OTOGL: variants seen among roughly 807,000 people sequenced by gnomAD.
OTOGL encodes otogelin like.
Under a neutral mutation model 318.5 loss-of-function variants are expected in OTOGL, and 285 were observed. The observed-to-expected ratio is 0.89, with a 90% CI of 0.81 to 0.99. The LOEUF is 0.99. OTOGL is among the 50% of genes least tolerant of loss of function. The pLI, the probability that OTOGL is intolerant of heterozygous loss-of-function variation, is 0.00. For synonymous variants in OTOGL, 987 were observed against 936.5 expected (o/e 1.05, Z -0.99); for missense variants, 2,899 against 2,845.6 (o/e 1.02, Z -0.43).
At chr12:80,315,862 A>T (rs1255246690) in intron 32 of OTOGL, among the ~76,000 whole-genome samples, 7 of 152,166 alleles carry the variant, frequency 4.6e-5, no homozygotes, top group Non-Finnish European at 8.8e-5. Context: ...TTTTAAAGAG[A>T]CTGCCACACA....
intron 26 of OTOGL, among the ~76,000 whole-genome samples, chr12:80,289,594 C>T (rs1447710865): frequency 6.6e-6 from 1 of 152,202 alleles, no homozygotes; most frequent in Non-Finnish European, 1.5e-5. Flanking sequence ...ATGTCCTGCC[C>T]AGTGAGGAGG....
At chr12:80,168,467 T>C (rs1372830258) in intron 1 of OTOGL, among the ~76,000 whole-genome samples, 1 of 152,164 alleles carries the variant, frequency 6.6e-6, no homozygotes, top group Admixed American at 6.6e-5. Flanking sequence ...AGAATAACCA[T>C]ACTGGGGAAT....
chr12:80,284,321 T>C (rs1884455102), intron 26 of OTOGL, among the ~76,000 whole-genome samples: 2 of 152,164 alleles, frequency 1.3e-5, no homozygotes, highest in Admixed American at 6.6e-5. Context: ...CTATTGTGAA[T>C]AGTGCTGCAA....
chr12:80,246,274 A>T (rs1880876148), intron 11 of OTOGL, among the ~76,000 whole-genome samples: 1 of 149,114 alleles, frequency 6.7e-6, no homozygotes, highest in Admixed American at 6.6e-5. Context: ...GTTCTTGCCC[A>T]TTCAGAATGA....
At position 80,255,164 on chromosome 12, in the gene OTOGL, A is replaced by G. The variant is rs1436898206; in HGVS notation, c.1566A>G (p.Leu522=). The G allele has an allele frequency of 2.0e-6, 3 of 1,517,398 alleles. No homozygotes were observed. Among genetic ancestry groups the G allele is most frequent in the African/African-American group, 1.4e-5 (1 of 70,988 alleles). 94.0% of individuals were successfully genotyped at this position (1,517,398 alleles called of 1,614,324 possible). ...GAAAAGATAAATTCACGATTACTTT[A>G]CAGAAAGCTCCCTGTGAGCAGGTAA... is the stretch of plus-strand genomic sequence containing the variant. ...GTGKDKFTIT[L]QKAPCEQNLG... The change falls in exon 16 of 59, where the codon TTA becomes TTG. Residue 522 remains leucine (L), a synonymous_variant. Transcript: ENST00000547103.
chr12:80,320,688 T>C lies in OTOGL; in HGVS notation c.4069T>C (p.Phe1357Leu). The C allele has an allele frequency of 6.2e-7, 1 of 1,602,086 alleles. No individual in the cohort carries two copies. Among genetic ancestry groups the C allele is most frequent in the Non-Finnish European group, 8.5e-7 (1 of 1,173,848 alleles). The change falls in exon 34 of 59, where the codon TTC (phenylalanine) becomes CTC (leucine). Residue 1357 changes from phenylalanine to leucine, a missense_variant. Around this residue, in one of 3 missense-constraint regions of OTOGL, gnomAD observed 2,607 missense variants for 2,524.9 expected, o/e 1.03. Transcript: ENST00000547103. ...TGAAGAATTTAAACATTCAAGTAGC[T>C]TCAGCATAGAAGGTATGTTTCCTGA... ...DSEEFKHSSS[F>L]SIEEIQAAVP...
chr12:80,366,462 ATGTG>A, intron 52 of OTOGL, 108 bp from the exon 53 acceptor site: 5 of 391,048 alleles, frequency 1.3e-5, no homozygotes, highest in South Asian at 2.2e-5. Context: ...ATCACTGAGT[ATGTG>A]TGTGTGTGTG....
At chr12:80,198,930 G>C (rs1168409776) in intron 1 of OTOGL, among the ~76,000 whole-genome samples, 1 of 151,984 alleles carries the variant, frequency 6.6e-6, no homozygotes, top group East Asian at 1.9e-4. Context: ...CCTCCATTTA[G>C]CCTTGTTCTC....
At position 80,267,309 on chromosome 12, in the gene OTOGL, C is replaced by A; in HGVS notation, c.2447C>A (p.Pro816His). The change falls in exon 22 of 59, where the codon CCC becomes CAC. Residue 816 changes from proline to histidine, a missense_variant. By Grantham distance (77) the Pro-to-His change is moderately conservative. Coordinates refer to ENST00000547103, the MANE Select transcript of OTOGL (RefSeq NM_001378609.3). ...GSVYQPGELI[P>H]TPSGLCQCSN... ...GTTTATCAACCTGGAGAGCTCATCC[C>A]CACACCCTCGGGCTTATGGTAGGTT... The A allele has an allele frequency of 1.9e-6, 3 of 1,548,052 alleles. No homozygotes were observed. Among genetic ancestry groups the A allele is most frequent in the Non-Finnish European group, 2.7e-6 (3 of 1,130,676 alleles).
Position 80,329,075 on chromosome 12 carries a change from C to T in OTOGL, c.4304C>T (p.Pro1435Leu). 6.4e-7 allele frequency: 1 copy of T among 1,566,452 alleles called. No homozygotes were observed. Among genetic ancestry groups the T allele is most frequent in the Non-Finnish European group, 8.6e-7 (1 of 1,164,868 alleles). The change falls in exon 37 of 59, where the codon CCA becomes CTA. Residue 1435 changes from proline to leucine, a missense_variant. By Grantham distance (98) the Pro-to-Leu change is moderately conservative. This residue lies in a region of OTOGL where 2,607 missense variants were observed against 2,524.9 expected (regional missense o/e 1.03). Coordinates refer to ENST00000547103, the MANE Select transcript of OTOGL (RefSeq NM_001378609.3). ...RDCIPVIPTE[P>L]TLMPPAKPTV... ...GGTATACCTGTGATTCCCACAGAAC[C>T]AACATTAATGCCACCAGCTAAGCCA...
chr12:80,265,128 G>A lies in OTOGL; in HGVS notation c.2142G>A (p.Leu714=). ...CATGCAAGTGTGGAAGCTCCTGCCT[G>A]TGCAATGCTCTTGCCCACTATGCCT... The part of the protein sequence containing the change: ...HDACKCGSSC[L]CNALAHYAYL... The change falls in exon 20 of 59, where the codon CTG becomes CTA. Residue 714 remains leucine, a synonymous_variant. Transcript: ENST00000547103. 2 of 1,613,906 alleles carry A rather than the reference G, an allele frequency of 1.2e-6. No individual in the cohort carries two copies. Among genetic ancestry groups the A allele is most frequent in the Non-Finnish European group, 1.7e-6 (2 of 1,179,864 alleles).
chr12:80,233,409 C>T (rs1022655945), intron 9 of OTOGL, among the ~76,000 whole-genome samples: 2 of 152,180 alleles, frequency 1.3e-5, no homozygotes, highest in African/African-American at 2.4e-5. Context: ...TGGAATACAT[C>T]AGTGAACAAA....
intron 32 of OTOGL, among the ~76,000 whole-genome samples, 188 bp downstream of exon 32, chr12:80,314,519 G>A (rs1886851933): frequency 6.6e-6 from 1 of 151,892 alleles, no homozygotes; most frequent in South Asian, 2.1e-4. Flanking sequence ...TTTATTTCCT[G>A]AAAACTAAAA....
chr12:80,357,027 G>T (rs1455954909), intron 49 of OTOGL, 113 bp downstream of exon 49: 2 of 515,006 alleles, frequency 3.9e-6, no homozygotes, highest in Non-Finnish European at 6.6e-6. Context: ...GATGTTATAA[G>T]AATTCAACTG....
intron 29 of OTOGL, among the ~76,000 whole-genome samples, chr12:80,307,923 AC>A (rs1886310444): frequency 9.7e-6 from 1 of 103,148 alleles, no homozygotes; most frequent in African/African-American, 4.7e-5. Context: ...GCGGGGGCTG[AC>A]CCCCCCACCT....
chr12:80,295,604 A>T (rs1195129945), intron 26 of OTOGL, among the ~76,000 whole-genome samples: 6 of 152,204 alleles, frequency 3.9e-5, no homozygotes, highest in Non-Finnish European at 7.3e-5. Context: ...ATCCAAAGAG[A>T]AATGTCACAG....
chr12:80,313,743 A>T, intron 31 of OTOGL, 111 bp downstream of exon 31: 2 of 919,018 alleles, frequency 2.2e-6, no homozygotes, highest in Non-Finnish European at 3.1e-6. Context: ...ATAGAATTAA[A>T]TTAAAATGAC....
intron 1 of OTOGL, among the ~76,000 whole-genome samples, chr12:80,147,612 T>C (rs908230766): frequency 6.6e-6 from 1 of 152,076 alleles, no homozygotes; most frequent in Non-Finnish European, 1.5e-5. Flanking sequence ...GGTATTCTTG[T>C]TGACTTTCTG....
rs536739227 is a variant in OTOGL, at chr12:80,138,209, C to T, written c.-20+38604C>T. On this transcript the variant is annotated intron_variant, in intron 1 of 58. Transcript: ENST00000547103. ...TAAATCTTTCCTTAGGGCAAAGGCTCCTTTCTTTCTGTTAGAAAGAAAGGC... is the reference window on the plus strand; with the variant it reads ...TAAATCTTTCCTTAGGGCAAAGGCTTCTTTCTTTCTGTTAGAAAGAAAGGC... Among the ~76,000 whole-genome samples, 24 of 152,046 alleles carry T rather than the reference C, an allele frequency of 1.6e-4. No individual in the cohort carries two copies. The South Asian group carries it at 5.0e-3, about 32-fold the overall frequency.
Sources: allele counts gnomAD v4.1 joint callset (sites outside exome capture counted in the v4.1 genomes callset), GRCh38; gene constraint gnomAD v4.1.1; regional missense constraint gnomAD v4.1.1; transcripts MANE v1.5; gene names NCBI Gene and HGNC (gene_info 2026-07-23, HGNC 2026-07-21).